The following BLK variants were observed in gnomAD, a reference collection of about 807,000 sequenced individuals.
BLK encodes tyrosine-protein kinase Blk.
Under a neutral mutation model 61.8 loss-of-function variants are expected in BLK, and 64 were observed. The observed-to-expected ratio is 1.03, with a 90% CI of 0.85 to 1.27. The LOEUF is 1.27. BLK is among the 50% of genes most tolerant of loss of function. BLK has a pLI of 0.00. For synonymous variants in BLK, 351 were observed against 272.0 expected, an observed-to-expected ratio of 1.29 and a Z score of -2.86; for missense variants, 853 against 660.5, an observed-to-expected ratio of 1.29 and a Z score of -3.19.
chr8:11,543,285 G>A lies in BLK; in HGVS notation c.61G>A (p.Gly21Ser). 1.2e-6 allele frequency: 2 copies of A among 1,613,962 alleles called. No homozygotes were observed. Among genetic ancestry groups the A allele is most frequent in the Non-Finnish European group, 1.7e-6 (2 of 1,180,022 alleles). The change falls in exon 2 of 13, where the codon GGC (glycine) becomes AGC (serine). Residue 21 changes from glycine to serine, a missense_variant. Coordinates refer to ENST00000259089, the MANE Select transcript of BLK (RefSeq NM_001715.3). ...AAAGCCGATCAAAGAGAAGGACAAG[G>A]GCCAATGGAGCCCCCTGAAGGTCAG... is the stretch of plus-strand genomic sequence containing the variant. ...KEKPIKEKDK[G>S]QWSPLKVSAQ... is the part of the protein sequence containing the mutation.
At chr8:11,518,888 C>G (rs1027446095) in intron 1 of BLK, among the ~76,000 whole-genome samples, 1 of 152,178 alleles carries the variant, frequency 6.6e-6, no homozygotes, top group African/African-American at 2.4e-5. Context: ...GCCCTCTGTG[C>G]TTTGCAAAGC....
At position 11,563,964 on chromosome 8, in the gene BLK, C is replaced by T. The variant is rs376977643; in HGVS notation, c.1374C>T (p.Asp458=). 5.0e-6 allele frequency: 8 copies of T among 1,606,668 alleles called. No individual in the cohort carries two copies. Among genetic ancestry groups the T allele is most frequent in the South Asian group, 1.1e-5 (1 of 90,986 alleles). Residue 458 remains aspartate, a synonymous_variant, in exon 13 of 13, where the codon GAC becomes GAT. Coordinates refer to ENST00000259089, the MANE Select transcript of BLK (RefSeq NM_001715.3). ...LERGYRMPRP[D]TCPPELYRGV... is the part of the protein sequence containing the mutation. ...GCGGCTACCGCATGCCGCGCCCCGA[C>T]ACCTGCCCGCCCGAGCTGTACCGCG... is the stretch of plus-strand genomic sequence containing the variant.
intron 11 of BLK, 37 bp downstream of exon 11, chr8:11,561,489 C>T (rs1801506059): frequency 6.2e-7 from 1 of 1,606,626 alleles, no homozygotes; most frequent in South Asian, 1.1e-5. Context: ...AAACCTAGGG[C>T]CTTATCTTTC....
At chr8:11,523,667 C>T (rs1222546278) in intron 1 of BLK, among the ~76,000 whole-genome samples, 1 of 152,116 alleles carries the variant, frequency 6.6e-6, no homozygotes, top group African/African-American at 2.4e-5. Context: ...AGAGGTCTTC[C>T]ATATCATTGA....
In BLK at chr8:11,559,135, T is replaced by A. The variant is rs1585418977; in HGVS notation, c.1029+1097T>A. 15 of 383,570 alleles carry A rather than the reference T, an allele frequency of 3.9e-5. No individual in the cohort carries two copies. The Middle Eastern group carries it at 4.1e-3, about 105-fold the overall frequency. The allele number at this position is 383,570 out of a possible 1,614,324, so 23.8% of individuals were successfully genotyped here. A position where few individuals can be genotyped will look rare whatever the true frequency, so the allele number is the denominator to read the frequency against. ...CACTACACCCCCTTGGGAAATCTCG[T>A]GTGACCCAGGGGCAAAGGATGTGAA... On this transcript the variant is annotated intron_variant, in intron 10 of 12. Transcript: ENST00000259089.
intron 1 of BLK, among the ~76,000 whole-genome samples, chr8:11,535,602 A>C (rs185822133): frequency 9.8e-5 from 15 of 152,340 alleles, no homozygotes; most frequent in African/African-American, 3.4e-4. Flanking sequence ...GACTGATGGA[A>C]TCAGAGCACG....
intron 6 of BLK, chr8:11,554,095 T>C (rs1801057885): frequency 6.4e-6 from 1 of 155,222 alleles, no homozygotes; most frequent in East Asian, 1.9e-4. Context: ...ACGCATTTTA[T>C]AAAAACATCA....
intron 1 of BLK, among the ~76,000 whole-genome samples, chr8:11,513,374 G>T (rs1452568282): frequency 1.3e-5 from 2 of 152,182 alleles, no homozygotes; most frequent in Non-Finnish European, 2.9e-5. Context: ...GAGAGACGAA[G>T]AGAAACCAGA....
At chr8:11,553,615 A>C in intron 6 of BLK, 1 of 205,682 alleles carries the variant, frequency 4.9e-6, no homozygotes, top group Non-Finnish European at 1.0e-5. Context: ...TGATGAATGA[A>C]CTCCCTAAGG....
At chr8:11,540,713 G>C (rs1231925717) in intron 1 of BLK, among the ~76,000 whole-genome samples, 1 of 152,072 alleles carries the variant, frequency 6.6e-6, no homozygotes, top group Non-Finnish European at 1.5e-5. Flanking sequence ...AATGGGAATA[G>C]ATCATTCCTA....
At chr8:11,495,592 A>C (rs1798334352) in intron 1 of BLK, among the ~76,000 whole-genome samples, 1 of 137,580 alleles carries the variant, frequency 7.3e-6, no homozygotes, top group Non-Finnish European at 1.6e-5. Flanking sequence ...GACAAATCCA[A>C]ACTGGGGAAG....
At chr8:11,517,600 G>A (rs578251082) in intron 1 of BLK, among the ~76,000 whole-genome samples, 1 of 152,350 alleles carries the variant, frequency 6.6e-6, no homozygotes, top group South Asian at 2.1e-4. Flanking sequence ...TCCCCGTGAT[G>A]TTTGAGAGCT....
intron 1 of BLK, among the ~76,000 whole-genome samples, chr8:11,496,292 C>A (rs988506425): frequency 9.9e-5 from 15 of 152,140 alleles, no homozygotes; most frequent in African/African-American, 3.4e-4. Flanking sequence ...GGCTGGAGTG[C>A]AGTGGCAAGA....
chr8:11,555,313 C>G lies in BLK; in HGVS notation c.620-19C>G. 1.9e-6 allele frequency: 3 copies of G among 1,614,002 alleles called. No homozygotes were observed. The highest frequency in any genetic ancestry group is 2.5e-6 in the Non-Finnish European group (3 of 1,180,014). On this transcript the variant is annotated intron_variant, in intron 7 of 12. Coordinates refer to ENST00000259089, the MANE Select transcript of BLK (RefSeq NM_001715.3). ...CTGCTCTGGTAACCCCCAGCCCTGT[C>G]TTTTCTTCCCTAATGCAGAGAAGGG... is the stretch of plus-strand genomic sequence containing the variant.
intron 6 of BLK, among the ~76,000 whole-genome samples, chr8:11,551,748 T>C (rs1453123250): frequency 1.3e-5 from 2 of 152,180 alleles, no homozygotes; most frequent in African/African-American, 4.8e-5. Context: ...TCCCTGGTGC[T>C]CACTGGCCAC....
intron 10 of BLK, 37 bp from the exon 11 acceptor site, chr8:11,561,265 C>A (rs1294533058): frequency 1.9e-6 from 3 of 1,603,494 alleles, no homozygotes; most frequent in Admixed American, 1.7e-5. Flanking sequence ...GCGTGGAGGC[C>A]CCCAGGCTGT....
At chr8:11,554,628 A>G (rs2117539452) in intron 6 of BLK, 115 bp from the exon 7 acceptor site, 1 of 1,278,104 alleles carries the variant, frequency 7.8e-7, no homozygotes, top group East Asian at 2.3e-5. Context: ...GAGTGCTGAT[A>G]ATGAAGAACA....
chr8:11,522,312 G>A (rs1294854459), intron 1 of BLK, among the ~76,000 whole-genome samples: 1 of 152,120 alleles, frequency 6.6e-6, no homozygotes, highest in Non-Finnish European at 1.5e-5. Flanking sequence ...AAAACAAAAA[G>A]ATTTAATTTA....
At chr8:11,524,961 T>C (rs1158319030) in intron 1 of BLK, among the ~76,000 whole-genome samples, 1 of 151,952 alleles carries the variant, frequency 6.6e-6, no homozygotes, top group Non-Finnish European at 1.5e-5. Context: ...TCACGAATGT[T>C]CAGAGTGGCT....
Sources: gnomAD v4.1 joint callset for allele counts (sites outside exome capture counted in the v4.1 genomes callset) on GRCh38, gnomAD v4.1.1 for gene constraint, MANE v1.5 for transcripts, NCBI Gene and HGNC (gene_info 2026-07-23, HGNC 2026-07-21) for gene names.